The following SAMD3 variants were observed in gnomAD, a reference collection of about 807,000 sequenced individuals.
SAMD3 encodes the protein sterile alpha motif domain containing 3.
A neutral mutation model predicts 58.5 loss-of-function variants in SAMD3; 63 were observed. The ratio of observed to expected loss-of-function variants is 1.08; its 90% CI spans 0.88 to 1.33. SAMD3 has a LOEUF of 1.33. SAMD3 is among the 40% of genes most tolerant of loss of function. The probability of loss-of-function intolerance (pLI) is 0.00; values close to 1 mark genes in which losing one functional copy is unlikely to be tolerated. For synonymous variants in SAMD3, 220 were observed against 210.3 expected (o/e 1.05, Z -0.40); for missense variants, 604 against 608.4 (o/e 0.99, Z 0.08).
At chr6:130,258,474 T>C (rs951323416) in intron 2 of SAMD3, among the ~76,000 whole-genome samples, 1 of 152,194 alleles carries the variant, frequency 6.6e-6, no homozygotes, top group Non-Finnish European at 1.5e-5. Context: ...TTATTTTGGG[T>C]TTATCAACTA....
chr6:130,266,071 C>T (rs1361157953), intron 2 of SAMD3, among the ~76,000 whole-genome samples: 3 of 152,138 alleles, frequency 2.0e-5, no homozygotes, highest in African/African-American at 7.2e-5. Flanking sequence ...AACCAACCCC[C>T]TTAATCCTCG....
At chr6:130,217,781 G>A (rs114647656) in intron 1 of SAMD3, among the ~76,000 whole-genome samples, 2,173 of 152,102 alleles carry the variant, frequency 0.014, 27 homozygotes, top group African/African-American at 0.026. Flanking sequence ...TGCATTTTTC[G>A]CTTTATTCCT....
intron 1 of SAMD3, among the ~76,000 whole-genome samples, chr6:130,221,124 G>A (rs1050607485): frequency 1.3e-5 from 2 of 152,152 alleles, no homozygotes; most frequent in Non-Finnish European, 2.9e-5. Flanking sequence ...AAAGTGCTGG[G>A]ATTACAGGCA....
intron 9 of SAMD3, among the ~76,000 whole-genome samples, chr6:130,150,389 A>G (rs1789044719): frequency 6.6e-6 from 1 of 152,216 alleles, no homozygotes; most frequent in African/African-American, 2.4e-5. Context: ...TCATGGGTCC[A>G]GGAACCAAGA....
intron 2 of SAMD3, among the ~76,000 whole-genome samples, chr6:130,240,665 C>T (rs1000366422): frequency 3.3e-5 from 5 of 152,094 alleles, no homozygotes; most frequent in Non-Finnish European, 5.9e-5. Context: ...GGGCCCTTCC[C>T]TTATGAATGA....
intron 1 of SAMD3, among the ~76,000 whole-genome samples, chr6:130,361,138 T>C (rs1305031290): frequency 1.3e-5 from 2 of 152,094 alleles, no homozygotes; most frequent in Non-Finnish European, 2.9e-5. Context: ...AATTAAGAGA[T>C]TAAAGTAAAG....
chr6:130,231,490 G>C (rs2114879616), intron 2 of SAMD3, among the ~76,000 whole-genome samples: 1 of 152,258 alleles, frequency 6.6e-6, no homozygotes, highest in Admixed American at 6.5e-5. Flanking sequence ...CTTGAACCTG[G>C]GAGGCGGAGG....
In SAMD3 at chr6:130,206,354, C is replaced by T. The variant is rs551830912; in HGVS notation, c.383+3141G>A. Among the ~76,000 whole-genome samples, 11 of 152,264 alleles carry T rather than the reference C, an allele frequency of 7.2e-5. No homozygotes were observed. The South Asian group carries it at 2.3e-3, about 32-fold the overall frequency. ...AACAGCCAGAAGTAGTATGATAAAT[C>T]TATCCTTGCAGGGAAAAGCAAGGAA... On this transcript the variant is annotated intron_variant, in intron 5 of 11. Transcript: ENST00000439090.
intron 2 of SAMD3, among the ~76,000 whole-genome samples, chr6:130,249,455 A>G (rs1326433214): frequency 1.3e-5 from 2 of 152,172 alleles, no homozygotes; most frequent in African/African-American, 4.8e-5. Context: ...AGCTATGAAC[A>G]TTCTGAGTGC....
chr6:130,351,214 A>G (rs1777651129), intron 1 of SAMD3, among the ~76,000 whole-genome samples: 1 of 152,218 alleles, frequency 6.6e-6, no homozygotes, highest in African/African-American at 2.4e-5. Context: ...ACAAAAGCCA[A>G]AATTAACAAA....
chr6:130,162,380 C>A, intron 8 of SAMD3: 2 of 645,486 alleles, frequency 3.1e-6, no homozygotes, highest in Non-Finnish European at 2.8e-6. Context: ...GTAGTTATAG[C>A]TTTTTTATCT....
intron 2 of SAMD3, among the ~76,000 whole-genome samples, chr6:130,308,405 A>ATTCTATTCTATTCTATTCT (rs1562513156): frequency 8.7e-5 from 11 of 126,416 alleles, no homozygotes; most frequent in African/African-American, 2.8e-4. Flanking sequence ...ATTCTATTCT[A>ATTCTATTCTATTCTATTCT]TTCTATTCTA....
chr6:130,208,988 G>T (rs1582931951), intron 5 of SAMD3, among the ~76,000 whole-genome samples: 1 of 152,076 alleles, frequency 6.6e-6, no homozygotes, highest in East Asian at 1.9e-4. Flanking sequence ...CCTTTGTTTA[G>T]TTGTAATCCA....
chr6:130,204,286 A>G (rs1214596105), intron 5 of SAMD3, among the ~76,000 whole-genome samples: 1 of 152,200 alleles, frequency 6.6e-6, no homozygotes, highest in Non-Finnish European at 1.5e-5. Flanking sequence ...AAAGCAAAGA[A>G]TAACACTGCA....
chr6:130,197,085 C>T (rs1246689437), intron 5 of SAMD3, among the ~76,000 whole-genome samples: 2 of 152,242 alleles, frequency 1.3e-5, no homozygotes, highest in Non-Finnish European at 2.9e-5. Context: ...CAGCCACCAA[C>T]TTAAAAAGGA....
chr6:130,167,884 A>G (rs772619618), intron 8 of SAMD3, among the ~76,000 whole-genome samples: 2 of 152,204 alleles, frequency 1.3e-5, no homozygotes, highest in East Asian at 1.9e-4. Flanking sequence ...AAGCAAAGCT[A>G]TATATATAAC....
chr6:130,236,401 C>CTTTT (rs1773149343), intron 2 of SAMD3, among the ~76,000 whole-genome samples: 4 of 112,476 alleles, frequency 3.6e-5, no homozygotes, highest in African/African-American at 1.2e-4. Flanking sequence ...TTTTTTTTTC[C>CTTTT]GAGATGGAGT....
chr6:130,194,900 CCTT>C (rs778451349), intron 5 of SAMD3, among the ~76,000 whole-genome samples: 1 of 152,084 alleles, frequency 6.6e-6, no homozygotes, highest in South Asian at 2.1e-4. Flanking sequence ...AAGTCTGTCC[CCTT>C]CTTAATCAAT....
At chr6:130,151,231 A>C (rs772845777) in intron 9 of SAMD3, among the ~76,000 whole-genome samples, 1 of 140,960 alleles carries the variant, frequency 7.1e-6, no homozygotes, top group Non-Finnish European at 1.5e-5. Flanking sequence ...GCTAGAAAGT[A>C]ACCCATGCAC....
Sources: allele counts gnomAD v4.1 joint callset (sites outside exome capture counted in the v4.1 genomes callset), GRCh38; gene constraint gnomAD v4.1.1; transcripts MANE v1.5; gene names NCBI Gene and HGNC (gene_info 2026-07-23, HGNC 2026-07-21).